MS4A2: variants seen among roughly 807,000 people sequenced by gnomAD.
MS4A2 encodes the protein membrane spanning 4-domains A2, also known as high affinity immunoglobulin epsilon receptor subunit beta.
MS4A2 carries 26 observed loss-of-function variants against 27.9 expected under a neutral mutation model. The ratio of observed to expected loss-of-function variants is 0.93; its 90% CI spans 0.68 to 1.29. The LOEUF is 1.29. MS4A2 is among the 50% of genes most tolerant of loss of function. The probability of loss-of-function intolerance (pLI) is 0.00; values close to 1 mark genes in which losing one functional copy is unlikely to be tolerated. For missense variants in MS4A2, 284 were observed against 284.6 expected (o/e 1.00, Z 0.01); for synonymous variants, 110 against 98.8 (o/e 1.11, Z -0.67).
At chr11:60,090,587 T>C (rs1855742364) in intron 3 of MS4A2, 117 bp downstream of exon 3, 5 of 930,626 alleles carry the variant, frequency 5.4e-6, no homozygotes, top group East Asian at 2.7e-5. Flanking sequence ...TTCTTAATTA[T>C]AAATTATATG....
chr11:60,095,604 C>T lies in MS4A2; in HGVS notation c.683C>T (p.Thr228Ile), dbSNP rs901232652. 1 of 1,613,036 alleles carries T rather than the reference C, an allele frequency of 6.2e-7. No homozygotes were observed. Among genetic ancestry groups the T allele is most frequent in the East Asian group, 2.2e-5 (1 of 44,864 alleles). Residue 228 changes from threonine to isoleucine, a missense_variant, in exon 7 of 7, where the codon ACT (threonine) becomes ATT (isoleucine). Coordinates refer to ENST00000278888, the MANE Select transcript of MS4A2 (RefSeq NM_000139.5). ...GAAGAATTAAACATATATTCAGCTA[C>T]TTACAGTGAGTTGGAAGACCCAGGG... Reference protein sequence around the residue: ...VYEELNIYSATYSELEDPGEM... With the variant: ...VYEELNIYSAIYSELEDPGEM...
chr11:60,094,824 C>A (rs1034834845), intron 6 of MS4A2, among the ~76,000 whole-genome samples: 1 of 152,088 alleles, frequency 6.6e-6, no homozygotes, highest in Non-Finnish European at 1.5e-5. Flanking sequence ...CTAAAAAATA[C>A]AACAAAACAA....
In MS4A2 at chr11:60,088,741, C is replaced by T; in HGVS notation, c.-25C>T. On this transcript the variant is annotated 5_prime_UTR_variant, in exon 1 of 7. Coordinates refer to ENST00000278888, the MANE Select transcript of MS4A2 (RefSeq NM_000139.5). Reference sequence around the variant, plus strand: ...TCTCAATATAATAATATTCTTTATTCCTGGACAGCTCGGTTAATGAAAAAA... The same window carrying T: ...TCTCAATATAATAATATTCTTTATTTCTGGACAGCTCGGTTAATGAAAAAA... The T allele has an allele frequency of 6.2e-7, 1 of 1,605,520 alleles. No homozygotes were observed. Among genetic ancestry groups the T allele is most frequent in the Non-Finnish European group, 8.5e-7 (1 of 1,174,716 alleles).
chr11:60,092,916 A>C, intron 4 of MS4A2, 68 bp downstream of exon 4: 1 of 1,438,282 alleles, frequency 7.0e-7, no homozygotes, highest in Non-Finnish European at 9.8e-7. Context: ...TAAGAGTCTT[A>C]AGGGAAACAC....
chr11:60,095,747 T>G lies in MS4A2; in HGVS notation c.*91T>G. ...GGCTACTGGAAAAATTTCTATTCTCTCCACAGCCTGCTGGTTTTACATTAG... is the reference window on the plus strand; with the variant it reads ...GGCTACTGGAAAAATTTCTATTCTCGCCACAGCCTGCTGGTTTTACATTAG... On this transcript the variant is annotated 3_prime_UTR_variant, in exon 7 of 7. Coordinates refer to ENST00000278888, the MANE Select transcript of MS4A2 (RefSeq NM_000139.5). The G allele has an allele frequency of 1.2e-6, 1 of 800,436 alleles. No individual in the cohort carries two copies. Among genetic ancestry groups the G allele is most frequent in the Non-Finnish European group, 2.2e-6 (1 of 450,168 alleles). The allele number at this position is 800,436 out of a possible 1,614,324, so 49.6% of individuals were successfully genotyped here.
At chr11:60,095,500 G>A (rs1026667113) in intron 6 of MS4A2, 58 bp from the exon 7 acceptor site, 1 of 1,097,980 alleles carries the variant, frequency 9.1e-7, no homozygotes, top group South Asian at 1.3e-5. Context: ...TCTTGAGCGA[G>A]ACTTCTAGGG....
Position 60,089,672 on chromosome 11 carries a change from A to C in MS4A2, c.57-20A>C. The C allele has an allele frequency of 6.2e-7, 1 of 1,614,116 alleles. No individual in the cohort carries two copies. ...AGTTACAGAATGTTCTCATGACTGA[A>C]TTGCTTTTAAATTTCACAGTGTGCC... On this transcript the variant is annotated intron_variant, in intron 1 of 6. Coordinates refer to ENST00000278888, the MANE Select transcript of MS4A2 (RefSeq NM_000139.5).
chr11:60,091,817 T>A (rs1020603150), intron 3 of MS4A2, among the ~76,000 whole-genome samples: 1 of 152,204 alleles, frequency 6.6e-6, no homozygotes, highest in African/African-American at 2.4e-5. Context: ...CTGTTATAAT[T>A]GAAACTTGTC....
At chr11:60,088,510 C>G (rs1484684912), upstream of MS4A2, 1 of 957,686 alleles carries the variant, frequency 1.0e-6, no homozygotes, top group Non-Finnish European at 1.4e-6. Flanking sequence ...CTCCAGGAGT[C>G]TCAAATTTTC....
Position 60,092,781 on chromosome 11 carries a change from T to C in MS4A2, c.322-11T>C. The C allele has an allele frequency of 6.2e-7, 1 of 1,612,716 alleles. No individual in the cohort carries two copies. Among genetic ancestry groups the C allele is most frequent in the Non-Finnish European group, 8.5e-7 (1 of 1,179,032 alleles). On this transcript the variant is annotated splice_polypyrimidine_tract_variant and intron_variant, in intron 3 of 6. Transcript: ENST00000278888. The stretch of plus-strand genomic sequence containing the variant: ...ACTCATTGTGGCTTTTTTTTCCTCC[T>C]TTTTGAACAGTTTTCTATTTCTGGA...
intron 4 of MS4A2, 49 bp from the exon 5 acceptor site, chr11:60,093,351 T>C (rs1014280459): frequency 6.2e-7 from 1 of 1,612,774 alleles, no homozygotes; most frequent in Non-Finnish European, 8.5e-7. Context: ...GTTTATTGAA[T>C]GTGCCAGCAA....
chr11:60,089,585 A>C, intron 1 of MS4A2, 107 bp from the exon 2 acceptor site: 1 of 1,438,220 alleles, frequency 7.0e-7, no homozygotes, highest in Admixed American at 1.7e-5. Flanking sequence ...TTTGAATTAC[A>C]GGATGGCTTT....
At chr11:60,088,911 G>T in intron 1 of MS4A2, 90 bp downstream of exon 1, 1 of 1,275,836 alleles carries the variant, frequency 7.8e-7, no homozygotes, top group South Asian at 1.3e-5. Flanking sequence ...AAACTTTATT[G>T]ATTTAGGCAT....
chr11:60,093,254 C>G (rs868585776), intron 4 of MS4A2, 146 bp from the exon 5 acceptor site: 346 of 932,524 alleles, frequency 3.7e-4, no homozygotes, highest in Middle Eastern at 2.9e-3. Flanking sequence ...TTAAACAATG[C>G]GGACATTTTC....
intron 1 of MS4A2, 67 bp from the exon 2 acceptor site, chr11:60,089,625 C>T: frequency 6.3e-7 from 1 of 1,599,918 alleles, no homozygotes. Flanking sequence ...CCCTTTCTGT[C>T]TGTCGAGAAT....
chr11:60,091,954 ATGTT>A (rs908136687), intron 3 of MS4A2, among the ~76,000 whole-genome samples: 5 of 152,216 alleles, frequency 3.3e-5, no homozygotes, highest in Admixed American at 6.5e-5. Flanking sequence ...AAATATGTAA[ATGTT>A]TGGTAAAAAT....
At chr11:60,094,561 G>T (rs1565075903) in intron 6 of MS4A2, among the ~76,000 whole-genome samples, 2 of 152,118 alleles carry the variant, frequency 1.3e-5, no homozygotes, top group Non-Finnish European at 1.5e-5. Context: ...CCAGCACCTT[G>T]TGCTCATGTA....
rs796157942 is a variant in MS4A2 at position 60,096,912 on chromosome 11, A to AT, written c.*1257dup. 4.8e-5 allele frequency: 7 copies of AT among 145,440 alleles called. No homozygotes were observed. The highest frequency in any genetic ancestry group is 1.8e-4 in the African/African-American group (7 of 39,622). The allele number at this position is 145,440 out of a possible 1,614,324, so 9.0% of individuals were successfully genotyped here. A position where few individuals can be genotyped will look rare whatever the true frequency, so the allele number is the denominator to read the frequency against. On this transcript the variant is annotated 3_prime_UTR_variant, in exon 7 of 7. Coordinates refer to ENST00000278888, the MANE Select transcript of MS4A2 (RefSeq NM_000139.5). ...AAAAAAAAAAAAAAAAAAAAAAAAG[A>AT]TAAAAAGTCAGAAATCTGAAAAGTG...
At chr11:60,091,024 G>A (rs2847664) in intron 3 of MS4A2, among the ~76,000 whole-genome samples, 46,497 of 151,962 alleles carry the variant, frequency 0.31, 8,713 homozygotes, top group South Asian at 0.5. Context: ...GATAGTGCAT[G>A]CCTGTAATCC....
Sources: gnomAD v4.1 joint callset for allele counts (sites outside exome capture counted in the v4.1 genomes callset) on GRCh38, gnomAD v4.1.1 for gene constraint, MANE v1.5 for transcripts, NCBI Gene and HGNC (gene_info 2026-07-23, HGNC 2026-07-21) for gene names.